The following ADAMTS2 variants were observed in gnomAD, a reference collection of about 807,000 sequenced individuals.
ADAMTS2 encodes the protein A disintegrin and metalloproteinase with thrombospondin motifs 2.
Under a neutral mutation model 123.0 loss-of-function variants are expected in ADAMTS2, and 50 were observed. That is an observed-to-expected ratio of 0.41 (90% CI 0.32 to 0.51). The LOEUF (loss-of-function observed/expected upper bound fraction) is 0.51, where lower values mean the gene tolerates loss of function less well. Ranked by LOEUF, ADAMTS2 falls within the 20% of genes least tolerant of loss-of-function variation. The pLI is 0.35. For missense variants in ADAMTS2, 1,494 were observed against 1,705.2 expected (o/e 0.88, Z 2.18); for synonymous variants, 678 against 695.4 (o/e 0.98, Z 0.39).
chr5:179,219,507 C>T (rs960924327), intron 3 of ADAMTS2, among the ~76,000 whole-genome samples: 6 of 152,232 alleles, frequency 3.9e-5, no homozygotes, highest in Admixed American at 6.5e-5. Flanking sequence ...TGTGCCTGCA[C>T]CTCCCAGTGT....
intron 10 of ADAMTS2, among the ~76,000 whole-genome samples, chr5:179,140,799 CTTTTT>C (rs770094463): frequency 1.1e-5 from 1 of 90,460 alleles, no homozygotes; most frequent in Non-Finnish European, 2.1e-5. Flanking sequence ...ACTGCATGCT[CTTTTT>C]TTTTTTTTTT....
At chr5:179,205,781 A>ATTATTG (rs1412441555) in intron 4 of ADAMTS2, among the ~76,000 whole-genome samples, 1 of 150,394 alleles carries the variant, frequency 6.6e-6, no homozygotes, top group African/African-American at 2.4e-5. Context: ...TATTATTATT[A>ATTATTG]TTATTTTTGA....
intron 3 of ADAMTS2, among the ~76,000 whole-genome samples, chr5:179,216,198 C>T (rs1001462761): frequency 3.3e-5 from 5 of 152,212 alleles, no homozygotes; most frequent in Admixed American, 3.3e-4. Context: ...GATGGCTCTG[C>T]ACCAGATGTG....
chr5:179,137,452 A>C (rs1332056111), intron 12 of ADAMTS2, among the ~76,000 whole-genome samples: 1 of 152,166 alleles, frequency 6.6e-6, no homozygotes. Flanking sequence ...CCCTGAGCTG[A>C]CCACACAGCT....
intron 4 of ADAMTS2, among the ~76,000 whole-genome samples, chr5:179,204,637 A>G (rs949231639): frequency 1.1e-4 from 16 of 152,230 alleles, no homozygotes; most frequent in Non-Finnish European, 2.2e-4. Context: ...ATCTGTCCTC[A>G]GGACTCTCCG....
At chr5:179,135,830 C>T (rs1763056385) in intron 13 of ADAMTS2, 79 bp downstream of exon 13, 4 of 1,598,612 alleles carry the variant, frequency 2.5e-6, no homozygotes, top group Admixed American at 1.7e-5. Context: ...CTTGCCAATA[C>T]CCCGAAAAGG....
intron 2 of ADAMTS2, among the ~76,000 whole-genome samples, chr5:179,296,725 G>T (rs1015637427): frequency 1.3e-5 from 2 of 152,116 alleles, no homozygotes; most frequent in African/African-American, 4.8e-5. Flanking sequence ...GGGTCAGGAG[G>T]GTGGTGCCTG....
rs975982012 is a variant in ADAMTS2 at position 179,301,154 on chromosome 5, A to G, written c.535-28090T>C. 1.6e-4 allele frequency among the ~76,000 whole-genome samples: 20 copies of G among 122,644 alleles called. 1 individual carries two copies. Among genetic ancestry groups the G allele is most frequent in the Middle Eastern group, 9.3e-3 (2 of 216 alleles). 80.5% of individuals were successfully genotyped at this position (122,644 alleles called of 152,430 possible). A position where few individuals can be genotyped will look rare whatever the true frequency, so the allele number is the denominator to read the frequency against. On this transcript the variant is annotated intron_variant, in intron 2 of 21. Transcript: ENST00000251582. ...GCTCTGCTCGCTCCTGTCCCCCAGG[A>G]AAAAAAAAAAAAAAAAGACAGCAGA...
intron 18 of ADAMTS2, 75 bp from the exon 19 acceptor site, chr5:179,125,255 C>T: frequency 1.4e-6 from 2 of 1,389,446 alleles, no homozygotes; most frequent in Non-Finnish European, 2.0e-6. Flanking sequence ...TCCAGCGCCG[C>T]TCCCTGCAGC....
At chr5:179,338,495 G>T (rs955759485) in intron 2 of ADAMTS2, among the ~76,000 whole-genome samples, 1 of 152,174 alleles carries the variant, frequency 6.6e-6, no homozygotes, top group South Asian at 2.1e-4. Context: ...CTCAGCTCAC[G>T]TAAGGCAGCA....
Position 179,175,802 on chromosome 5 carries a change from C to T in ADAMTS2, c.975+5270G>A, listed in dbSNP as rs1763916560. On this transcript the variant is annotated intron_variant, in intron 5 of 21. Transcript: ENST00000251582. This position sits in a 1 kb window ranked among gnomAD's most constrained non-coding sequence, Gnocchi z 4.1. The stretch of plus-strand genomic sequence containing the variant: ...TACAAGTATCTAGGATTTTCAGAAC[C>T]ACAGTAACTAGTTTATGGGTCTTTT... 6.6e-6 allele frequency among the ~76,000 whole-genome samples: 1 copy of T among 152,190 alleles called. No homozygotes were observed. The highest frequency in any genetic ancestry group is 1.5e-5 in the Non-Finnish European group (1 of 68,040).
At chr5:179,125,332 T>C in intron 18 of ADAMTS2, 152 bp from the exon 19 acceptor site, 1 of 693,818 alleles carries the variant, frequency 1.4e-6, no homozygotes, top group Non-Finnish European at 2.5e-6. Flanking sequence ...TTATTCTCAC[T>C]AAGATGCTGG....
In ADAMTS2 at chr5:179,181,204, G is replaced by T; in HGVS notation, c.892-49C>A. On this transcript the variant is annotated intron_variant, in intron 4 of 21. Coordinates refer to ENST00000251582, the MANE Select transcript of ADAMTS2 (RefSeq NM_014244.5). The surrounding 1 kb of genome is among the most constrained non-coding windows in gnomAD (Gnocchi z 4.1). Reference sequence around the variant, plus strand: ...GCGGGAACCACAGGCCCTAGGACTGGCTCTGGCTCTGCCAATGGGATGACC... The same window carrying T: ...GCGGGAACCACAGGCCCTAGGACTGTCTCTGGCTCTGCCAATGGGATGACC... 1 of 1,362,888 alleles carries T rather than the reference G, an allele frequency of 7.3e-7. No homozygotes were observed. The allele number at this position is 1,362,888 out of a possible 1,614,324, so 84.4% of individuals were successfully genotyped here.
At chr5:179,319,054 A>C (rs1757082705) in intron 2 of ADAMTS2, among the ~76,000 whole-genome samples, 1 of 152,198 alleles carries the variant, frequency 6.6e-6, no homozygotes, top group African/African-American at 2.4e-5. Context: ...TTCCCTCAAC[A>C]CACAGGCCCC....
chr5:179,129,830 G>C lies in ADAMTS2; in HGVS notation c.2457+102C>G, dbSNP rs1762927659. ...AGGCAGGCCAAAGGGGCCACGCAGA[G>C]TGTCACCTGAAGGGTCAGGAGGCTC... On this transcript the variant is annotated intron_variant, in intron 16 of 21. Transcript: ENST00000251582. This position sits in a 1 kb window ranked among gnomAD's most constrained non-coding sequence, Gnocchi z 4.1. 1.3e-6 allele frequency: 2 copies of C among 1,506,766 alleles called. No individual in the cohort carries two copies. Among genetic ancestry groups the C allele is most frequent in the African/African-American group, 2.7e-5 (2 of 73,028 alleles). 93.3% of individuals were successfully genotyped at this position (1,506,766 alleles called of 1,614,324 possible). A position where few individuals can be genotyped will look rare whatever the true frequency, so the allele number is the denominator to read the frequency against.
chr5:179,133,038 C>G (rs1410664579), intron 13 of ADAMTS2, 138 bp from the exon 14 acceptor site: 8 of 1,163,002 alleles, frequency 6.9e-6, no homozygotes, highest in Middle Eastern at 2.0e-4. Flanking sequence ...GGATTACAGG[C>G]GTGAACCACC....
intron 2 of ADAMTS2, among the ~76,000 whole-genome samples, chr5:179,340,726 G>A (rs1219637310): frequency 2.0e-5 from 3 of 152,164 alleles, no homozygotes; most frequent in Non-Finnish European, 4.4e-5. Flanking sequence ...ACAAGGCGAG[G>A]TGGCACAGGG....
At chr5:179,318,423 C>T (rs998199157) in intron 2 of ADAMTS2, among the ~76,000 whole-genome samples, 6 of 149,852 alleles carry the variant, frequency 4.0e-5, no homozygotes, top group African/African-American at 1.5e-4. Context: ...AGATGCCGGG[C>T]GGGGCGGGGA....
At chr5:179,248,933 T>C (rs1765861192) in intron 3 of ADAMTS2, among the ~76,000 whole-genome samples, 1 of 152,146 alleles carries the variant, frequency 6.6e-6, no homozygotes, top group African/African-American at 2.4e-5. Context: ...AGCGGCAGAA[T>C]GTGTATTCTT....
Sources: allele counts gnomAD v4.1 joint callset (sites outside exome capture counted in the v4.1 genomes callset), GRCh38; gene constraint gnomAD v4.1.1; non-coding constraint Gnocchi (gnomAD v3.1); transcripts MANE v1.5; gene names NCBI Gene and HGNC (gene_info 2026-07-23, HGNC 2026-07-21).